The following NDRG3 variants were observed in gnomAD, a reference collection of about 807,000 sequenced individuals.
NDRG3 encodes the protein NDRG family member 3.
A neutral mutation model predicts 57.2 loss-of-function variants in NDRG3; 23 were observed. The ratio of observed to expected loss-of-function variants is 0.40; its 90% confidence interval spans 0.29 to 0.57. The LOEUF is 0.57. Among genes scored for constraint, NDRG3 ranks in the 20% least tolerant of loss-of-function variants. The probability of loss-of-function intolerance (pLI) is 0.42; values close to 1 mark genes in which losing one functional copy is unlikely to be tolerated. For missense variants in NDRG3, 384 were observed against 457.3 expected, an observed-to-expected ratio of 0.84 and a Z score of 1.46; for synonymous variants, 132 against 162.6, an observed-to-expected ratio of 0.81 and a Z score of 1.43.
intron 1 of NDRG3, among the ~76,000 whole-genome samples, chr20:36,744,376 G>A (rs971476023): frequency 6.6e-6 from 1 of 151,740 alleles, no homozygotes; most frequent in Non-Finnish European, 1.5e-5. Context: ...AGAACACCAC[G>A]CTTTGAGTAA....
At chr20:36,703,930 T>C (rs1983398031) in intron 3 of NDRG3, among the ~76,000 whole-genome samples, 1 of 152,170 alleles carries the variant, frequency 6.6e-6, no homozygotes, top group East Asian at 1.9e-4. Flanking sequence ...CAATTATATA[T>C]ATGTATGGAA....
At chr20:36,725,396 GGTTCGAGACCA>G (rs1984864403) in intron 1 of NDRG3, among the ~76,000 whole-genome samples, 1 of 151,824 alleles carries the variant, frequency 6.6e-6, no homozygotes, top group African/African-American at 2.4e-5. Context: ...GATCACCTGA[GGTTCGAGACCA>G]GTCTGGACAA....
chr20:36,675,151 C>T (rs766020653), intron 8 of NDRG3, among the ~76,000 whole-genome samples: 3 of 150,956 alleles, frequency 2.0e-5, no homozygotes, highest in Non-Finnish European at 3.0e-5. Context: ...CCTCCACCTC[C>T]CAGGTTCAAG....
intron 12 of NDRG3, among the ~76,000 whole-genome samples, chr20:36,660,589 C>A (rs2148029270): frequency 6.8e-6 from 1 of 147,950 alleles, no homozygotes; most frequent in South Asian, 2.1e-4. Context: ...GAGACGGAGT[C>A]TCGCTCTGTC....
At chr20:36,660,036 G>A (rs968369308) in intron 13 of NDRG3, among the ~76,000 whole-genome samples, 49 of 151,776 alleles carry the variant, frequency 3.2e-4, no homozygotes, top group African/African-American at 1.1e-3. Context: ...GTGAAACCCC[G>A]TCTCTACTAA....
chr20:36,741,089 A>C (rs1985907296), intron 1 of NDRG3, among the ~76,000 whole-genome samples: 1 of 152,064 alleles, frequency 6.6e-6, no homozygotes, highest in African/African-American at 2.4e-5. Context: ...TTTTTGATGC[A>C]CCCCTTCCTT....
intron 3 of NDRG3, among the ~76,000 whole-genome samples, chr20:36,706,071 T>C (rs900118218): frequency 6.6e-6 from 1 of 152,050 alleles, no homozygotes. Context: ...TCAGGACCAG[T>C]CAACAGATAG....
At chr20:36,694,632 T>C (rs1982618594) in intron 3 of NDRG3, among the ~76,000 whole-genome samples, 1 of 152,234 alleles carries the variant, frequency 6.6e-6, no homozygotes, top group African/African-American at 2.4e-5. Context: ...TCATAATCTC[T>C]GTAATGATCC....
chr20:36,712,156 T>C (rs1983924846), intron 2 of NDRG3, among the ~76,000 whole-genome samples: 1 of 151,902 alleles, frequency 6.6e-6, no homozygotes, highest in Admixed American at 6.6e-5. Context: ...GAATGGCTTC[T>C]AGCTTCATGA....
intron 2 of NDRG3, among the ~76,000 whole-genome samples, chr20:36,708,345 T>C (rs187423444): frequency 2.4e-4 from 37 of 152,190 alleles, no homozygotes; most frequent in Admixed American, 1.9e-3. Flanking sequence ...TTCAAGATGA[T>C]CCTCCTAGAA....
chr20:36,727,785 C>T (rs1405880414), intron 1 of NDRG3, among the ~76,000 whole-genome samples: 2 of 152,158 alleles, frequency 1.3e-5, no homozygotes, highest in South Asian at 4.1e-4. Flanking sequence ...TCGTGATCTG[C>T]CCTCCTCAGC....
In NDRG3 at chr20:36,665,297, T is replaced by C. The variant is rs1192236579; in HGVS notation, c.697A>G (p.Arg233Gly). The C allele has an allele frequency of 1.2e-6, 2 of 1,614,182 alleles. No individual in the cohort carries two copies. The highest frequency in any genetic ancestry group is 1.7e-6 in the Non-Finnish European group (2 of 1,179,990). The change falls in exon 11 of 16, where the codon AGA (arginine) becomes GGA (glycine). Residue 233 changes from arginine (R) to glycine (G), a missense_variant. Transcript: ENST00000349004. ...ATGGGTCTTTCGATCTCCAGGTCTC[T>C]GCGTCTAGAAAAACAAAGCAGAAGC... ...QLFLNSYNGR[R>G]DLEIERPILG...
At chr20:36,715,097 C>T (rs1311551381) in intron 2 of NDRG3, among the ~76,000 whole-genome samples, 2 of 135,552 alleles carry the variant, frequency 1.5e-5, no homozygotes, top group African/African-American at 2.7e-5. Context: ...TCAAAATATA[C>T]TAAGAAACAG....
At chr20:36,661,787 C>T (rs764991900) in intron 12 of NDRG3, among the ~76,000 whole-genome samples, 3 of 152,144 alleles carry the variant, frequency 2.0e-5, no homozygotes, top group Non-Finnish European at 4.4e-5. Flanking sequence ...TGATAGACTG[C>T]AAGTGGCAGC....
rs551914837 is a variant in NDRG3, at chr20:36,665,283, G to C, written c.711C>G (p.Ile237Met). The C allele has an allele frequency of 1.2e-6, 2 of 1,613,966 alleles. No homozygotes were observed. The highest frequency in any genetic ancestry group is 1.3e-5 in the African/African-American group (1 of 74,912). ...CATTTTGGCCCAGTATGGGTCTTTCGATCTCCAGGTCTCTGCGTCTAGAAA... is the reference window on the plus strand; with the variant it reads ...CATTTTGGCCCAGTATGGGTCTTTCCATCTCCAGGTCTCTGCGTCTAGAAA... ...NSYNGRRDLE[I>M]ERPILGQNDN... Residue 237 changes from isoleucine to methionine, a missense_variant, in exon 11 of 16, where the codon ATC becomes ATG. Physicochemically the swap from Ile to Met is conservative, Grantham distance 10 (BLOSUM62 1). Coordinates refer to ENST00000349004, the MANE Select transcript of NDRG3 (RefSeq NM_032013.4).
At chr20:36,669,285 A>G (rs1170499303) in intron 9 of NDRG3, among the ~76,000 whole-genome samples, 1 of 150,068 alleles carries the variant, frequency 6.7e-6, no homozygotes, top group Non-Finnish European at 1.5e-5. Flanking sequence ...GCTGGGGTGC[A>G]ATGGTGCGAT....
chr20:36,684,399 C>A lies in NDRG3; in HGVS notation c.383+14G>T. 3 of 1,609,764 alleles carry A rather than the reference C, an allele frequency of 1.9e-6. No homozygotes were observed. Among genetic ancestry groups the A allele is most frequent in the Non-Finnish European group, 2.6e-6 (3 of 1,176,104 alleles). Reference sequence around the variant, plus strand: ...TCAATAAAAACTGCATGAAAGACTGCAGAATGAACCTACCTTAGGTGGGTA... The same window carrying A: ...TCAATAAAAACTGCATGAAAGACTGAAGAATGAACCTACCTTAGGTGGGTA... On this transcript the variant is annotated intron_variant, in intron 6 of 15. Transcript: ENST00000349004.
At position 36,717,623 on chromosome 20, in the gene NDRG3, A is replaced by C. The variant is rs189992148; in HGVS notation, c.57+4056T>G. ...GATTTTTAATCTGTGAAGTAGGAAT[A>C]ATACTATCTATCTCAAAGGGATATT... On this transcript the variant is annotated intron_variant, in intron 2 of 15. Transcript: ENST00000349004. Among the ~76,000 whole-genome samples, 60 of 152,148 alleles carry C rather than the reference A, an allele frequency of 3.9e-4. No individual in the cohort carries two copies. The Middle Eastern group carries it at 0.01, about 26-fold the overall frequency.
chr20:36,742,312 T>C (rs1985962580), intron 1 of NDRG3, among the ~76,000 whole-genome samples: 1 of 152,226 alleles, frequency 6.6e-6, no homozygotes, highest in Non-Finnish European at 1.5e-5. Context: ...ATAGAGTTGC[T>C]AGTTAATGTC....
Sources: gnomAD v4.1 joint callset for allele counts (sites outside exome capture counted in the v4.1 genomes callset) on GRCh38, gnomAD v4.1.1 for gene constraint, MANE v1.5 for transcripts, NCBI Gene and HGNC (gene_info 2026-07-23, HGNC 2026-07-21) for gene names.